The following GPC5 variants were observed in gnomAD, a reference collection of about 807,000 sequenced individuals.
GPC5 encodes the protein glypican 5.
GPC5 carries 47 observed loss-of-function variants against 53.9 expected under a neutral mutation model. That is an observed-to-expected ratio of 0.87 (90% CI 0.69 to 1.11). GPC5 has a LOEUF of 1.11. Ranked by LOEUF, GPC5 falls within the 50% of genes most tolerant of loss-of-function variation. The pLI is 0.00. For synonymous variants in GPC5, 286 were observed against 263.3 expected, an observed-to-expected ratio of 1.09 and a Z score of -0.84; for missense variants, 748 against 713.1, an observed-to-expected ratio of 1.05 and a Z score of -0.56.
At chr13:91,784,774 TTAAC>T (rs1402748870) in intron 5 of GPC5, among the ~76,000 whole-genome samples, 2 of 151,776 alleles carry the variant, frequency 1.3e-5, no homozygotes, top group African/African-American at 4.8e-5. Context: ...AAGTAGTTGA[TTAAC>T]TATGCCATGG....
intron 7 of GPC5, among the ~76,000 whole-genome samples, chr13:92,207,960 C>T (rs1355649849): frequency 6.6e-6 from 1 of 152,202 alleles, no homozygotes; most frequent in East Asian, 1.9e-4. Context: ...TAAACTTGTC[C>T]CCCATGTACA....
intron 7 of GPC5, among the ~76,000 whole-genome samples, chr13:92,233,421 G>T (rs2042545803): frequency 1.3e-5 from 2 of 152,150 alleles, no homozygotes; most frequent in South Asian, 2.1e-4. Context: ...TTGATAATTT[G>T]CAGGCTGGCA....
intron 7 of GPC5, among the ~76,000 whole-genome samples, chr13:92,221,867 A>G (rs925526087): frequency 7.0e-6 from 1 of 143,794 alleles, no homozygotes; most frequent in Non-Finnish European, 1.5e-5. Flanking sequence ...AACTCCCTAG[A>G]GAAAAATGAC....
At chr13:92,064,561 G>A (rs935647870) in intron 6 of GPC5, among the ~76,000 whole-genome samples, 3 of 152,052 alleles carry the variant, frequency 2.0e-5, no homozygotes, top group African/African-American at 7.2e-5. Flanking sequence ...TTCGAGACCA[G>A]CCTGACCAAC....
At chr13:91,472,430 G>A (rs1448312951) in intron 2 of GPC5, among the ~76,000 whole-genome samples, 4 of 152,130 alleles carry the variant, frequency 2.6e-5, no homozygotes, top group Non-Finnish European at 4.4e-5. Context: ...CTGTAGAATG[G>A]AGACAATGGC....
At chr13:92,747,319 A>G (rs1256699193) in intron 7 of GPC5, among the ~76,000 whole-genome samples, 1 of 152,202 alleles carries the variant, frequency 6.6e-6, no homozygotes, top group Non-Finnish European at 1.5e-5. Flanking sequence ...GACCAGTGGT[A>G]TTCTCTTGCA....
intron 6 of GPC5, among the ~76,000 whole-genome samples, chr13:91,921,495 A>T (rs1324421946): frequency 3.3e-5 from 5 of 152,192 alleles, no homozygotes; most frequent in Admixed American, 3.3e-4. Flanking sequence ...ACTTAGAAAG[A>T]TGTGACAGAT....
At chr13:91,674,367 C>T (rs927067266) in intron 2 of GPC5, among the ~76,000 whole-genome samples, 1 of 150,776 alleles carries the variant, frequency 6.6e-6, no homozygotes, top group Non-Finnish European at 1.5e-5. Flanking sequence ...CCTGGTTTAC[C>T]ACTAACTCAT....
At chr13:92,098,741 C>T (rs957962102) in intron 6 of GPC5, among the ~76,000 whole-genome samples, 4 of 152,104 alleles carry the variant, frequency 2.6e-5, no homozygotes, top group Non-Finnish European at 5.9e-5. Context: ...CCAACGTAAT[C>T]ACAAGGGTCT....
chr13:91,475,008 A>G (rs1882850796), intron 2 of GPC5, among the ~76,000 whole-genome samples: 1 of 152,212 alleles, frequency 6.6e-6, no homozygotes, highest in Admixed American at 6.5e-5. Flanking sequence ...AGGATATAGA[A>G]TAAAAGGGTT....
At chr13:92,467,859 G>A (rs183236608) in intron 7 of GPC5, among the ~76,000 whole-genome samples, 1 of 152,236 alleles carries the variant, frequency 6.6e-6, no homozygotes, top group East Asian at 1.9e-4. Context: ...TCTAATGGAT[G>A]CAGGAGCTTT....
intron 7 of GPC5, among the ~76,000 whole-genome samples, chr13:92,270,783 C>A (rs536655766): frequency 6.6e-6 from 1 of 152,110 alleles, no homozygotes; most frequent in Non-Finnish European, 1.5e-5. Flanking sequence ...TTATTTAAAT[C>A]CTTTTCTGGG....
chr13:92,600,373 C>T (rs1054576364), intron 7 of GPC5, among the ~76,000 whole-genome samples: 2 of 152,146 alleles, frequency 1.3e-5, no homozygotes, highest in African/African-American at 2.4e-5. Context: ...TTATTTCTCA[C>T]ATTTTACCTT....
At chr13:92,463,474 A>G (rs1007584295) in intron 7 of GPC5, among the ~76,000 whole-genome samples, 1 of 152,210 alleles carries the variant, frequency 6.6e-6, no homozygotes, top group Non-Finnish European at 1.5e-5. Context: ...CTGAAGGTCT[A>G]TTAATCCTAC....
At chr13:91,726,290 A>C (rs1181233409) in intron 3 of GPC5, among the ~76,000 whole-genome samples, 1 of 152,106 alleles carries the variant, frequency 6.6e-6, no homozygotes, top group African/African-American at 2.4e-5. Flanking sequence ...TTCAAAATTA[A>C]GATTTCTTAT....
chr13:92,747,092 A>C (rs1263225331), intron 7 of GPC5, among the ~76,000 whole-genome samples: 4 of 152,168 alleles, frequency 2.6e-5, no homozygotes, highest in Admixed American at 2.6e-4. Context: ...TTATGGGACC[A>C]CTATCATATA....
chr13:92,697,071 A>ACC (rs1887578223), intron 7 of GPC5, among the ~76,000 whole-genome samples: 1 of 150,884 alleles, frequency 6.6e-6, no homozygotes, highest in African/African-American at 2.4e-5. Context: ...CTGTTTTGGT[A>ACC]GCAGTACCAT....
chr13:91,773,170 A>G (rs1027343616), intron 5 of GPC5, among the ~76,000 whole-genome samples: 14 of 152,170 alleles, frequency 9.2e-5, no homozygotes, highest in Non-Finnish European at 1.8e-4. Context: ...TAAGTATTGC[A>G]TATTTCTGGA....
At chr13:92,848,477 G>A (rs1055270270) in intron 7 of GPC5, among the ~76,000 whole-genome samples, 5 of 151,978 alleles carry the variant, frequency 3.3e-5, no homozygotes, top group African/African-American at 1.2e-4. Context: ...ACTAAATGTA[G>A]GGTACTATGA....
Sources: gnomAD v4.1 joint callset for allele counts (sites outside exome capture counted in the v4.1 genomes callset) on GRCh38, gnomAD v4.1.1 for gene constraint, MANE v1.5 for transcripts, NCBI Gene and HGNC (gene_info 2026-07-23, HGNC 2026-07-21) for gene names.